The following MARCO variants were observed in gnomAD, a reference collection of about 807,000 sequenced individuals.
MARCO encodes macrophage receptor with collagenous structure, also known as macrophage receptor MARCO.
In MARCO, 72 loss-of-function variants were observed where a neutral mutation model predicts 70.0. That is an observed-to-expected ratio of 1.03 (90% confidence interval 0.85 to 1.25). The LOEUF is 1.25. MARCO is among the 50% of genes most tolerant of loss of function. The pLI, the probability that MARCO is intolerant of heterozygous loss-of-function variation, is 0.00. For missense variants in MARCO, 696 were observed against 659.3 expected (o/e 1.06, Z -0.61); for synonymous variants, 273 against 243.1 (o/e 1.12, Z -1.14).
chr2:118,981,590 A>T (rs780942565), intron 9 of MARCO, 31 bp from the exon 10 acceptor site: 1 of 1,610,778 alleles, frequency 6.2e-7, no homozygotes. Flanking sequence ...CAAAGGAAAA[A>T]AAAATTCCTA....
chr2:118,984,426 G>A (rs1322865693), intron 12 of MARCO, among the ~76,000 whole-genome samples: 2 of 152,122 alleles, frequency 1.3e-5, no homozygotes, highest in East Asian at 3.9e-4. Flanking sequence ...CCAATAATTA[G>A]GCCTAGTGGT....
intron 8 of MARCO, among the ~76,000 whole-genome samples, chr2:118,981,077 T>A (rs145642516): frequency 6.6e-6 from 1 of 152,170 alleles, no homozygotes; most frequent in African/African-American, 2.4e-5. Flanking sequence ...TTGAAGTGAA[T>A]TCAAATAATT....
At chr2:118,990,312 C>T (rs1320871511) in intron 12 of MARCO, among the ~76,000 whole-genome samples, 1 of 152,124 alleles carries the variant, frequency 6.6e-6, no homozygotes, top group Non-Finnish European at 1.5e-5. Context: ...GGTCAGGTTA[C>T]CGGGGGGCAG....
At chr2:118,988,476 G>A (rs947215173) in intron 12 of MARCO, among the ~76,000 whole-genome samples, 2 of 152,004 alleles carry the variant, frequency 1.3e-5, no homozygotes, top group Non-Finnish European at 2.9e-5. Flanking sequence ...TGGTGATGAA[G>A]CAGGAAACAG....
In MARCO at chr2:118,977,950, G is replaced by A. The variant is rs993852619; in HGVS notation, c.766+15G>A. 18 of 1,561,152 alleles carry A rather than the reference G, an allele frequency of 1.2e-5. No homozygotes were observed. Among genetic ancestry groups the A allele is most frequent in the Non-Finnish European group, 1.6e-5 (18 of 1,143,924 alleles). On this transcript the variant is annotated intron_variant, in intron 8 of 16. Coordinates refer to ENST00000327097, the MANE Select transcript of MARCO (RefSeq NM_006770.4). ...GGGTCTCCCAGGTGAGGGCCGTATT[G>A]GGGGTGTCGGTGCTTGCCAGGAGGC...
At chr2:118,978,032 G>A (rs1406042578) in intron 8 of MARCO, 97 bp downstream of exon 8, 2 of 720,958 alleles carry the variant, frequency 2.8e-6, no homozygotes, top group Non-Finnish European at 4.7e-6. Flanking sequence ...GCCCACTGAG[G>A]GCAAGGCAGT....
intron 1 of MARCO, among the ~76,000 whole-genome samples, chr2:118,954,847 C>T (rs1338166791): frequency 6.6e-6 from 1 of 152,100 alleles, no homozygotes; most frequent in Non-Finnish European, 1.5e-5. Context: ...TCACAGGAAG[C>T]CACATCCACA....
chr2:118,991,458 A>T (rs1384989206), intron 13 of MARCO, among the ~76,000 whole-genome samples: 1 of 152,190 alleles, frequency 6.6e-6, no homozygotes, highest in African/African-American at 2.4e-5. Context: ...TAAAGGAGAC[A>T]TCGAGGCTTA....
intron 3 of MARCO, among the ~76,000 whole-genome samples, chr2:118,970,857 C>T (rs2104579056): frequency 6.6e-6 from 1 of 152,342 alleles, no homozygotes; most frequent in African/African-American, 2.4e-5. Context: ...TCAGCAAAAC[C>T]AGCTGCTAGG....
At chr2:118,992,877 GATT>G (rs1680648545) in intron 15 of MARCO, 1 of 483,360 alleles carries the variant, frequency 2.1e-6, no homozygotes, top group African/African-American at 2.0e-5. Flanking sequence ...TGGTGTATGC[GATT>G]TGCAAACCAG....
Position 118,971,519 on chromosome 2 carries a change from G to A in MARCO, c.445G>A (p.Glu149Lys). Residue 149 changes from glutamate (E) to lysine (K), a missense_variant, in exon 4 of 17, where the codon GAA (glutamate) becomes AAA (lysine). Glu to Lys is a moderately conservative substitution (Grantham distance 56). Transcript: ENST00000327097. ...TGCAGGGATGTTCAGAATCAAAGGT[G>A]AACAAGGCGCCCCAGGTAGGTTCAT... is the stretch of plus-strand genomic sequence containing the variant. ...QNPGMFRIKG[E>K]QGAPGLQGHK... is the part of the protein sequence containing the mutation. The A allele has an allele frequency of 6.2e-7, 1 of 1,613,954 alleles. No individual in the cohort carries two copies. Among genetic ancestry groups the A allele is most frequent in the Non-Finnish European group, 8.5e-7 (1 of 1,179,906 alleles).
chr2:118,974,445 G>A lies in MARCO; in HGVS notation c.568+5G>A, dbSNP rs202132010. ...TGGGACGAGATGGAGCAACAGGTACGGGTCTTTTTCTTCTGACCCTTAATC... is the reference window on the plus strand; with the variant it reads ...TGGGACGAGATGGAGCAACAGGTACAGGTCTTTTTCTTCTGACCCTTAATC... On this transcript the variant is annotated splice_donor_5th_base_variant and intron_variant, in intron 5 of 16. Coordinates refer to ENST00000327097, the MANE Select transcript of MARCO (RefSeq NM_006770.4). 1.1e-4 allele frequency: 183 copies of A among 1,612,484 alleles called. No individual in the cohort carries two copies. In the East Asian group the frequency reaches 3.7e-3, roughly 33 times the overall value.
intron 12 of MARCO, among the ~76,000 whole-genome samples, chr2:118,986,586 G>GAAAAAGAAAGA (rs1553416602): frequency 2.1e-5 from 1 of 46,666 alleles, no homozygotes; most frequent in African/African-American, 1.2e-4. Flanking sequence ...GGGAAGGAAA[G>GAAAAAGAAAGA]AAGAAAGAAA....
At chr2:118,953,253 A>G (rs1159607898) in intron 1 of MARCO, among the ~76,000 whole-genome samples, 1 of 152,260 alleles carries the variant, frequency 6.6e-6, no homozygotes. Context: ...CAACAGTTAC[A>G]TAGGCTAGGG....
intron 12 of MARCO, among the ~76,000 whole-genome samples, chr2:118,988,227 T>C (rs961733552): frequency 5.3e-5 from 8 of 151,820 alleles, no homozygotes; most frequent in African/African-American, 1.9e-4. Context: ...GTGTGGGAAA[T>C]GAAGAGGGAG....
In MARCO at chr2:118,994,579, G is replaced by C; in HGVS notation, c.*59G>C. On this transcript the variant is annotated 3_prime_UTR_variant, in exon 17 of 17. Coordinates refer to ENST00000327097, the MANE Select transcript of MARCO (RefSeq NM_006770.4). Reference sequence around the variant, plus strand: ...TGTCCTCGGGCTCATATGTGGGAAGGCAGAGGATCTCTGAGGAGTTCCCTG... The same window carrying C: ...TGTCCTCGGGCTCATATGTGGGAAGCCAGAGGATCTCTGAGGAGTTCCCTG... The C allele has an allele frequency of 6.6e-7, 1 of 1,504,562 alleles. No homozygotes were observed. Among genetic ancestry groups the C allele is most frequent in the Non-Finnish European group, 8.9e-7 (1 of 1,126,334 alleles). The allele number at this position is 1,504,562 out of a possible 1,614,324, so 93.2% of individuals were successfully genotyped here.
rs765977561 is a variant in MARCO, at chr2:118,970,189, C to G, written c.275C>G (p.Pro92Arg). 2.4e-5 allele frequency: 39 copies of G among 1,614,004 alleles called. No homozygotes were observed. Among genetic ancestry groups the G allele is most frequent in the Non-Finnish European group, 3.1e-5 (37 of 1,180,034 alleles). The change falls in exon 3 of 17, where the codon CCG becomes CGG. Residue 92 changes from proline to arginine, a missense_variant. Transcript: ENST00000327097. ...LNDTLAAEDS[P>R]SFSLLQSAHP... ...GACACTCTGGCGGCTGAGGACAGCCCGTCCTTCTCCTTGCTGCAGTCAGCA... is the reference window on the plus strand; with the variant it reads ...GACACTCTGGCGGCTGAGGACAGCCGGTCCTTCTCCTTGCTGCAGTCAGCA...
rs1680238456 is a variant in MARCO, at chr2:118,974,509, T to G, written c.569-12T>G. On this transcript the variant is annotated splice_polypyrimidine_tract_variant and intron_variant, in intron 5 of 16. Coordinates refer to ENST00000327097, the MANE Select transcript of MARCO (RefSeq NM_006770.4). ...TTCTCTGGCTTCACTCTGAATTCCC[T>G]TTCCCTTCCAGGCCCCTCGGGACCC... The G allele has an allele frequency of 6.2e-7, 1 of 1,613,934 alleles. No homozygotes were observed. The highest frequency in any genetic ancestry group is 2.2e-5 in the East Asian group (1 of 44,866).
chr2:118,958,312 CAAGATTAATGTATGCA>C (rs1679876539), intron 1 of MARCO, among the ~76,000 whole-genome samples: 1 of 151,204 alleles, frequency 6.6e-6, no homozygotes, highest in South Asian at 2.1e-4. Context: ...TTTCTGGATA[CAAGATTAATGTATGCA>C]AATCAATAGC....
Sources: gnomAD v4.1 joint callset for allele counts (sites outside exome capture counted in the v4.1 genomes callset) on GRCh38, gnomAD v4.1.1 for gene constraint, MANE v1.5 for transcripts, NCBI Gene and HGNC (gene_info 2026-07-23, HGNC 2026-07-21) for gene names.